RBFOX1: variants seen among roughly 807,000 people sequenced by gnomAD.
RBFOX1 encodes the protein RNA binding fox-1 homolog 1.
RBFOX1 carries 8 observed loss-of-function variants against 57.7 expected under a neutral mutation model. That is an observed-to-expected ratio of 0.14 (90% CI 0.08 to 0.25). The LOEUF (loss-of-function observed/expected upper bound fraction) is 0.25. Among genes scored for constraint, RBFOX1 ranks in the 10% least tolerant of loss-of-function variants. The probability of loss-of-function intolerance (pLI) is 1.00; values close to 1 mark genes in which losing one functional copy is unlikely to be tolerated. For missense variants in RBFOX1, 611 were observed against 548.5 expected (o/e 1.11, Z -1.14); for synonymous variants, 326 against 222.4 (o/e 1.47, Z -4.15).
intron 4 of RBFOX1, among the ~76,000 whole-genome samples, chr16:7,470,848 G>A (rs1318008563): frequency 6.6e-6 from 1 of 151,928 alleles, no homozygotes; most frequent in East Asian, 1.9e-4. Flanking sequence ...CCAGGTTAAA[G>A]TAGCATTGAG....
rs535558103 is a variant in RBFOX1 at position 7,550,223 on chromosome 16, C to G, written c.271-29554C>G. Among the ~76,000 whole-genome samples the G allele has an allele frequency of 1.1e-4, 16 of 151,796 alleles. 1 individual carries two copies. The South Asian group carries it at 3.3e-3, about 32-fold the overall frequency. ...TGGAATGCCACTATGCCCAGCCTAC[C>G]CTTCTCCTGAGTGAGTTCCTCCAGA... On this transcript the variant is annotated intron_variant, in intron 5 of 15. Transcript: ENST00000550418.
At chr16:7,545,923 G>A (rs553536919) in intron 5 of RBFOX1, among the ~76,000 whole-genome samples, 4 of 151,436 alleles carry the variant, frequency 2.6e-5, no homozygotes, top group South Asian at 4.2e-4. Context: ...TGAGAGTCAC[G>A]TGCAAAATCA....
chr16:6,777,292 T>C (rs992050463), intron 3 of RBFOX1, among the ~76,000 whole-genome samples: 1 of 152,184 alleles, frequency 6.6e-6, no homozygotes, highest in Non-Finnish European at 1.5e-5. Context: ...GAGTAATTGA[T>C]TAGTACTACT....
At chr16:7,371,328 T>A (rs532652951) in intron 4 of RBFOX1, among the ~76,000 whole-genome samples, 1 of 152,300 alleles carries the variant, frequency 6.6e-6, no homozygotes, top group East Asian at 1.9e-4. Flanking sequence ...TGCCTGTGAT[T>A]AATAATTCAA....
intron 4 of RBFOX1, among the ~76,000 whole-genome samples, chr16:7,383,113 G>T (rs898564744): frequency 2.6e-5 from 4 of 152,072 alleles, no homozygotes; most frequent in Admixed American, 6.5e-5. Context: ...TCTAGCAGGT[G>T]TTCATGGTAC....
intron 4 of RBFOX1, among the ~76,000 whole-genome samples, chr16:7,354,754 T>C (rs2097185291): frequency 6.6e-6 from 1 of 152,162 alleles, no homozygotes; most frequent in African/African-American, 2.4e-5. Context: ...TAATTAAAAT[T>C]CAGTAGCCCT....
rs537933682 is a variant in RBFOX1, at chr16:5,885,158, A to G, written c.351+17823A>G. ...CACTTCCAAGGTAAGGGTGGCAGCT[A>G]TGGTTTACCACGCTGTTGCAGGTTT... On this transcript the variant is annotated intron_variant, in intron 4 of 19. Coordinates refer to the RBFOX1 transcript ENST00000641259. Among the ~76,000 whole-genome samples, 7 of 152,166 alleles carry G rather than the reference A, an allele frequency of 4.6e-5. No individual in the cohort carries two copies. The South Asian group carries it at 8.3e-4, about 18-fold the overall frequency.
chr16:6,275,606 T>C (rs2075719966), intron 1 of RBFOX1, among the ~76,000 whole-genome samples: 1 of 152,186 alleles, frequency 6.6e-6, no homozygotes, highest in African/African-American at 2.4e-5. Flanking sequence ...GTACATATAG[T>C]CCTAAAGTCT....
chr16:5,917,942 C>T (rs1254643909), intron 4 of RBFOX1, among the ~76,000 whole-genome samples: 2 of 152,088 alleles, frequency 1.3e-5, no homozygotes, highest in Admixed American at 1.3e-4. Flanking sequence ...TCCTCTCTCT[C>T]CCACACGGGA....
chr16:7,204,392 A>C (rs1294126098), intron 4 of RBFOX1, among the ~76,000 whole-genome samples: 1 of 147,976 alleles, frequency 6.8e-6, no homozygotes, highest in East Asian at 2.2e-4. Flanking sequence ...CTGAAATCCC[A>C]GTACTTTGAG....
At chr16:6,919,308 C>T (rs1241588885) in intron 3 of RBFOX1, among the ~76,000 whole-genome samples, 2 of 152,088 alleles carry the variant, frequency 1.3e-5, no homozygotes, top group African/African-American at 2.4e-5. Flanking sequence ...TGTTTCTTGA[C>T]CAATTCCTAT....
chr16:6,281,732 G>A (rs1479980719), intron 1 of RBFOX1, among the ~76,000 whole-genome samples: 1 of 152,148 alleles, frequency 6.6e-6, no homozygotes, highest in Non-Finnish European at 1.5e-5. Context: ...CAGAGCATTT[G>A]CTGAGTGCTG....
At chr16:7,140,767 G>T (rs1010563883) in intron 4 of RBFOX1, among the ~76,000 whole-genome samples, 3 of 152,142 alleles carry the variant, frequency 2.0e-5, no homozygotes, top group Admixed American at 6.6e-5. Flanking sequence ...TTATGGGGAA[G>T]GTAGCGTTAA....
intron 3 of RBFOX1, among the ~76,000 whole-genome samples, chr16:6,899,291 A>G (rs557081304): frequency 6.6e-6 from 1 of 151,958 alleles, no homozygotes; most frequent in Non-Finnish European, 1.5e-5. Context: ...TGTGTATAAT[A>G]CATATGTGTA....
At position 6,655,575 on chromosome 16, in the gene RBFOX1, G is replaced by A. The variant is rs925365100; in HGVS notation, c.-16+925G>A. Among the ~76,000 whole-genome samples the A allele has an allele frequency of 2.0e-5, 3 of 152,010 alleles. No individual in the cohort carries two copies. The East Asian group carries it at 5.8e-4, about 29-fold the overall frequency. ...GTGAATCCCCTCAGGAAAAGCAACC[G>A]TTAGACAATTGTTTGTTAATATTTT... is the stretch of plus-strand genomic sequence containing the variant. On this transcript the variant is annotated intron_variant, in intron 3 of 15. Coordinates refer to ENST00000550418, the MANE Select transcript of RBFOX1 (RefSeq NM_018723.4).
At chr16:6,706,116 G>C (rs2062700814) in intron 3 of RBFOX1, among the ~76,000 whole-genome samples, 1 of 152,178 alleles carries the variant, frequency 6.6e-6, no homozygotes, top group African/African-American at 2.4e-5. Context: ...CCAGTGGCTG[G>C]CTTTGTACAG....
chr16:6,401,520 G>C lies in RBFOX1; in HGVS notation c.-64+84463G>C, dbSNP rs570484504. Among the ~76,000 whole-genome samples the C allele has an allele frequency of 6.6e-5, 10 of 152,200 alleles. No individual in the cohort carries two copies. In the East Asian group the frequency reaches 9.7e-4, roughly 15 times the overall value. On this transcript the variant is annotated intron_variant, in intron 2 of 15. Coordinates refer to ENST00000550418, the MANE Select transcript of RBFOX1 (RefSeq NM_018723.4). ...AAGGGCATGAAATGATCTTTTATTTGGATTTATAGGACTTTGGATCATTAG... is the reference window on the plus strand; with the variant it reads ...AAGGGCATGAAATGATCTTTTATTTCGATTTATAGGACTTTGGATCATTAG...
At chr16:5,334,050 C>G (rs1023275503) in intron 1 of RBFOX1, among the ~76,000 whole-genome samples, 2 of 151,996 alleles carry the variant, frequency 1.3e-5, no homozygotes, top group African/African-American at 4.8e-5. Flanking sequence ...GTGCTTCTGG[C>G]CGATTTCTGT....
At chr16:5,519,705 A>G (rs997760619) in intron 2 of RBFOX1, among the ~76,000 whole-genome samples, 2 of 152,206 alleles carry the variant, frequency 1.3e-5, no homozygotes, top group Non-Finnish European at 2.9e-5. Flanking sequence ...AGCCTGAATG[A>G]TAGAGTGAGA....
Sources: gnomAD v4.1 joint callset for allele counts (sites outside exome capture counted in the v4.1 genomes callset) on GRCh38, gnomAD v4.1.1 for gene constraint, MANE v1.5 for transcripts, NCBI Gene and HGNC (gene_info 2026-07-23, HGNC 2026-07-21) for gene names.